The following C3orf52 variants were observed in gnomAD, a reference collection of about 807,000 sequenced individuals.
C3orf52 encodes chromosome 3 open reading frame 52, also known as TPA-induced transmembrane protein.
In C3orf52, 22 loss-of-function variants were observed where a neutral mutation model predicts 24.8. That is an observed-to-expected ratio of 0.89 (90% confidence interval 0.63 to 1.27). C3orf52 has a LOEUF of 1.27. Ranked by LOEUF, C3orf52 falls within the 50% of genes most tolerant of loss-of-function variation. The pLI, the probability that C3orf52 is intolerant of heterozygous loss-of-function variation, is 0.00. For missense variants in C3orf52, 265 were observed against 260.7 expected (o/e 1.02, Z -0.11); for synonymous variants, 93 against 100.2 (o/e 0.93, Z 0.43).
intron 2 of C3orf52, among the ~76,000 whole-genome samples, chr3:112,096,702 G>T (rs2073929928): frequency 6.6e-6 from 1 of 152,076 alleles, no homozygotes; most frequent in Non-Finnish European, 1.5e-5. Flanking sequence ...GGTACCCAGG[G>T]CAGGGTGTCC....
At chr3:112,088,140 C>A (rs1424872566) in intron 1 of C3orf52, among the ~76,000 whole-genome samples, 1 of 152,112 alleles carries the variant, frequency 6.6e-6, no homozygotes, top group East Asian at 1.9e-4. Context: ...TGTAGGTCAC[C>A]CAATAGGAGA....
intron 3 of C3orf52, among the ~76,000 whole-genome samples, chr3:112,106,644 G>A (rs1039203782): frequency 5.3e-5 from 8 of 152,196 alleles, no homozygotes; most frequent in African/African-American, 1.4e-4. Flanking sequence ...GCCAGGAACT[G>A]GGGCAGAGAC....
chr3:112,093,320 A>G (rs1449778850), intron 1 of C3orf52, 40 bp from the exon 2 acceptor site: 4 of 1,610,104 alleles, frequency 2.5e-6, no homozygotes, highest in East Asian at 4.5e-5. Context: ...TGTCTGTTGC[A>G]ACACAATGAC....
At chr3:112,123,066 TATG>T (rs549173676), downstream of C3orf52, 30 of 230,256 alleles carry the variant, frequency 1.3e-4, no homozygotes, top group African/African-American at 5.0e-4. Flanking sequence ...GCACACTTAG[TATG>T]ATGAGTAAAG....
chr3:112,105,794 GC>G (rs2074018214), intron 3 of C3orf52, among the ~76,000 whole-genome samples: 1 of 143,864 alleles, frequency 7.0e-6, no homozygotes, highest in Admixed American at 7.2e-5. Flanking sequence ...CTGCACTCCA[GC>G]CTGGGCAACA....
exon 5 of C3orf52, chr3:112,128,544 G>T: frequency 7.3e-6 from 2 of 274,756 alleles, no homozygotes; most frequent in South Asian, 3.9e-5. Context: ...ACAAAGCTGG[G>T]GACCATATTG....
At position 112,117,110 on chromosome 3, in the gene C3orf52, T is replaced by A. The variant is rs2074142145; in HGVS notation, c.*464T>A. 5 of 607,336 alleles carry A rather than the reference T, an allele frequency of 8.2e-6. No individual in the cohort carries two copies. The highest frequency in any genetic ancestry group is 1.4e-5 in the Non-Finnish European group (5 of 349,918). 37.6% of individuals were successfully genotyped at this position (607,336 alleles called of 1,614,324 possible). A position where few individuals can be genotyped will look rare whatever the true frequency, so the allele number is the denominator to read the frequency against. On this transcript the variant is annotated 3_prime_UTR_variant, in exon 6 of 6. Transcript: ENST00000264848. ...CTGTCTTCTTTTAGGTGGGATCGCG[T>A]AAGCATGAGCTGGTAGAGCACGGAG...
chr3:112,091,321 C>T (rs1400482569), intron 1 of C3orf52, among the ~76,000 whole-genome samples: 1 of 152,164 alleles, frequency 6.6e-6, no homozygotes, highest in Non-Finnish European at 1.5e-5. Flanking sequence ...TCAGTTTACG[C>T]AGGAAGATAA....
At chr3:112,114,173 T>G (rs1456066609) in intron 5 of C3orf52, among the ~76,000 whole-genome samples, 1 of 152,170 alleles carries the variant, frequency 6.6e-6, no homozygotes, top group Admixed American at 6.5e-5. Flanking sequence ...TTTATTATGA[T>G]GATGACACTG....
In C3orf52 at chr3:112,127,830, A is replaced by T. The variant is rs576271631; in HGVS notation, c.*47-403A>T. Among the ~76,000 whole-genome samples, 4 of 152,286 alleles carry T rather than the reference A, an allele frequency of 2.6e-5. No homozygotes were observed. In the South Asian group the frequency reaches 6.2e-4, roughly 24 times the overall value. On this transcript the variant is annotated intron_variant, in intron 4 of 4. Coordinates refer to the C3orf52 transcript ENST00000480282. ...CCTGTTTGAGGAGAGCATGCGACCC[A>T]TGAGACTATTGTTCCTGTTTCTCAT...
chr3:112,095,770 G>T (rs528432522), intron 2 of C3orf52, among the ~76,000 whole-genome samples: 1 of 149,352 alleles, frequency 6.7e-6, no homozygotes, highest in Non-Finnish European at 1.5e-5. Context: ...TGTGGGGAGA[G>T]TCATGTTAGA....
downstream of C3orf52, chr3:112,133,154 C>G (rs2074499548): frequency 1.2e-6 from 2 of 1,612,758 alleles, no homozygotes; most frequent in Non-Finnish European, 1.7e-6. Flanking sequence ...CCCTCCGTCC[C>G]TTTACCACTT....
chr3:112,108,250 A>T (rs2074045790), intron 3 of C3orf52, among the ~76,000 whole-genome samples: 1 of 152,250 alleles, frequency 6.6e-6, no homozygotes, highest in Non-Finnish European at 1.5e-5. Flanking sequence ...ACATGAAAAG[A>T]TGTTCAACCT....
At chr3:112,107,174 T>C (rs1660177604) in intron 3 of C3orf52, among the ~76,000 whole-genome samples, 1 of 152,148 alleles carries the variant, frequency 6.6e-6, no homozygotes, top group South Asian at 2.1e-4. Flanking sequence ...AAGCCTGTTA[T>C]GTGCAAAACA....
exon 5 of C3orf52, chr3:112,128,467 C>T (rs979327025): frequency 3.2e-5 from 11 of 342,584 alleles, no homozygotes; most frequent in Admixed American, 7.8e-5. Flanking sequence ...TTCTGAATTT[C>T]TCCAATTTAC....
At chr3:112,095,209 T>C (rs1437238518) in intron 2 of C3orf52, among the ~76,000 whole-genome samples, 2 of 152,210 alleles carry the variant, frequency 1.3e-5, no homozygotes, top group Non-Finnish European at 2.9e-5. Context: ...AAAAAGCTAA[T>C]GAAGTGTGCT....
downstream of C3orf52, chr3:112,135,124 A>G (rs1290360947): frequency 6.5e-6 from 1 of 154,784 alleles, no homozygotes; most frequent in African/African-American, 2.4e-5. Flanking sequence ...ATGAATCTCA[A>G]CAGACAAAAG....
chr3:112,129,052 A>C (rs892501897), downstream of C3orf52: 3 of 152,192 alleles, frequency 2.0e-5, no homozygotes, highest in African/African-American at 7.2e-5. Context: ...ACAACCTCTA[A>C]GATCTATGCA....
At chr3:112,096,637 A>G (rs1482118922) in intron 2 of C3orf52, among the ~76,000 whole-genome samples, 2 of 152,206 alleles carry the variant, frequency 1.3e-5, no homozygotes, top group Non-Finnish European at 2.9e-5. Flanking sequence ...TGGGGTGGAC[A>G]TAAAATGGGA....
Sources: gnomAD v4.1 joint callset for allele counts (sites outside exome capture counted in the v4.1 genomes callset) on GRCh38, gnomAD v4.1.1 for gene constraint, MANE v1.5 for transcripts, NCBI Gene and HGNC (gene_info 2026-07-23, HGNC 2026-07-21) for gene names.